LRRC7: variants seen among roughly 807,000 people sequenced by gnomAD.
LRRC7 encodes leucine-rich repeat-containing protein 7.
LRRC7 carries 23 observed loss-of-function variants against 175.7 expected under a neutral mutation model. The ratio of observed to expected loss-of-function variants is 0.13; its 90% CI spans 0.09 to 0.19. The LOEUF (loss-of-function observed/expected upper bound fraction) is 0.19, where lower values mean the gene tolerates loss of function less well. LRRC7 is among the 10% of genes least tolerant of loss of function. The probability of loss-of-function intolerance (pLI) is 1.00; values close to 1 mark genes in which losing one functional copy is unlikely to be tolerated. For synonymous variants in LRRC7, 685 were observed against 680.9 expected (o/e 1.01, Z -0.09); for missense variants, 1,354 against 1,904.7 (o/e 0.71, Z 5.38).
chr1:69,832,678 CAT>C (rs1680661367), intron 5 of LRRC7, among the ~76,000 whole-genome samples: 3 of 152,218 alleles, frequency 2.0e-5, no homozygotes, highest in Admixed American at 1.3e-4. Context: ...ATCTAGTAAA[CAT>C]AGACTTGCAT....
chr1:69,997,846 A>G (rs1655146931), intron 11 of LRRC7, among the ~76,000 whole-genome samples: 1 of 152,064 alleles, frequency 6.6e-6, no homozygotes, highest in Non-Finnish European at 1.5e-5. Context: ...CATCAAGGAT[A>G]TTGGTCTAAA....
At chr1:69,707,404 G>A (rs1012903136) in intron 2 of LRRC7, among the ~76,000 whole-genome samples, 5 of 152,042 alleles carry the variant, frequency 3.3e-5, no homozygotes, top group African/African-American at 4.8e-5. Flanking sequence ...GCATCTGCCC[G>A]CAGAATAGAG....
intron 3 of LRRC7, among the ~76,000 whole-genome samples, chr1:69,773,042 C>T (rs956143316): frequency 6.6e-6 from 1 of 152,152 alleles, no homozygotes; most frequent in Non-Finnish European, 1.5e-5. Context: ...ATATAAACAT[C>T]TCTACTTAAA....
intron 8 of LRRC7, among the ~76,000 whole-genome samples, chr1:69,964,591 A>C: frequency 6.6e-6 from 1 of 152,282 alleles, no homozygotes; most frequent in South Asian, 2.1e-4. Flanking sequence ...AGCTTCTAGG[A>C]TCTTATATGT....
intron 7 of LRRC7, among the ~76,000 whole-genome samples, chr1:69,869,030 C>T (rs1310628613): frequency 6.6e-6 from 1 of 151,784 alleles, no homozygotes; most frequent in East Asian, 1.9e-4. Flanking sequence ...CTTTAAATAC[C>T]TTATCTTCAA....
chr1:70,051,620 T>A (rs1481914558), intron 22 of LRRC7, among the ~76,000 whole-genome samples: 2 of 151,942 alleles, frequency 1.3e-5, no homozygotes, highest in Non-Finnish European at 2.9e-5. Flanking sequence ...ACCAATTCAT[T>A]CCTAACTCAG....
intron 16 of LRRC7, 88 bp downstream of exon 16, chr1:70,021,217 T>C: frequency 7.7e-7 from 1 of 1,290,380 alleles, no homozygotes; most frequent in Non-Finnish European, 1.1e-6. Context: ...TGGGACAAAG[T>C]CAGATACTTC....
intron 2 of LRRC7, among the ~76,000 whole-genome samples, chr1:69,758,550 T>C (rs991683809): frequency 1.3e-5 from 2 of 151,990 alleles, no homozygotes; most frequent in African/African-American, 4.8e-5. Flanking sequence ...GCAGCATTGG[T>C]TACACGGGTA....
intron 19 of LRRC7, 67 bp from the exon 20 acceptor site, chr1:70,036,377 T>A: frequency 6.7e-7 from 1 of 1,497,640 alleles, no homozygotes; most frequent in Non-Finnish European, 9.1e-7. Context: ...TTTCCATTTT[T>A]CATACTTGCT....
At chr1:70,110,306 G>A (rs544819824) in intron 26 of LRRC7, among the ~76,000 whole-genome samples, 13 of 152,280 alleles carry the variant, frequency 8.5e-5, no homozygotes, top group African/African-American at 3.1e-4. Flanking sequence ...CTTGAGCCCA[G>A]GAGTTGGAGG....
At position 69,614,237 on chromosome 1, in the gene LRRC7, G is replaced by A. The variant is rs545844253; in HGVS notation, c.2+45596G>A. Among the ~76,000 whole-genome samples the A allele has an allele frequency of 3.3e-5, 5 of 151,738 alleles. No homozygotes were observed. In the South Asian group the frequency reaches 1.1e-3, roughly 32 times the overall value. ...GCATTTGTTAATCACCTTTGTGCTC[G>A]AAGTGACACATGTGATAACAATGGA... On this transcript the variant is annotated intron_variant, in intron 1 of 26. Transcript: ENST00000651989.
intron 1 of LRRC7, among the ~76,000 whole-genome samples, chr1:69,618,001 A>C (rs907257820): frequency 1.3e-5 from 2 of 152,164 alleles, no homozygotes; most frequent in Non-Finnish European, 1.5e-5. Flanking sequence ...AATGGAAGAC[A>C]CTGGCCCATA....
intron 2 of LRRC7, among the ~76,000 whole-genome samples, chr1:69,746,102 A>C (rs1669230113): frequency 6.6e-6 from 1 of 151,860 alleles, no homozygotes; most frequent in Admixed American, 6.6e-5. Context: ...AGGGTAATGT[A>C]ACTTCTATTT....
At chr1:70,080,119 G>T (rs1663098017) in intron 24 of LRRC7, among the ~76,000 whole-genome samples, 2 of 152,048 alleles carry the variant, frequency 1.3e-5, no homozygotes, top group Admixed American at 1.3e-4. Context: ...CTATAACTCA[G>T]AATTATAGAA....
chr1:69,832,907 C>G (rs1360103226), intron 5 of LRRC7, among the ~76,000 whole-genome samples: 2 of 152,070 alleles, frequency 1.3e-5, no homozygotes, highest in Admixed American at 1.3e-4. Context: ...GAGTTTGAGA[C>G]CAGCCTGGCC....
chr1:69,730,963 G>A (rs1667507060), intron 2 of LRRC7, among the ~76,000 whole-genome samples: 1 of 152,024 alleles, frequency 6.6e-6, no homozygotes, highest in Non-Finnish European at 1.5e-5. Context: ...TCACATGGCG[G>A]CAGCAAGCAG....
intron 2 of LRRC7, among the ~76,000 whole-genome samples, chr1:69,697,876 G>A (rs1490927058): frequency 6.6e-6 from 1 of 152,184 alleles, no homozygotes; most frequent in African/African-American, 2.4e-5. Context: ...AGTGCATCTA[G>A]CCTCATCCCA....
chr1:69,882,455 G>A (rs544748019), intron 7 of LRRC7, among the ~76,000 whole-genome samples: 2 of 152,190 alleles, frequency 1.3e-5, no homozygotes, highest in South Asian at 2.1e-4. Flanking sequence ...TGGAAACAAC[G>A]TAAATGCCTA....
In LRRC7 at chr1:69,763,201, T is replaced by G. The variant is rs72675051; in HGVS notation, c.303+2808T>G. Among the ~76,000 whole-genome samples, 85 of 152,132 alleles carry G rather than the reference T, an allele frequency of 5.6e-4. 2 individuals carry two copies. Among genetic ancestry groups the G allele is most frequent in the African/African-American group, 2.0e-3 (82 of 41,520 alleles). Reference sequence around the variant, plus strand: ...AATAGGTTTGATTGGCTCTCGTAAGTGGTAGGTCCATCTCAGGACAGTAAT... The same window carrying G: ...AATAGGTTTGATTGGCTCTCGTAAGGGGTAGGTCCATCTCAGGACAGTAAT... On this transcript the variant is annotated intron_variant, in intron 3 of 26. Coordinates refer to ENST00000651989, the MANE Select transcript of LRRC7 (RefSeq NM_001370785.2).
Sources: gnomAD v4.1 joint callset for allele counts (sites outside exome capture counted in the v4.1 genomes callset) on GRCh38, gnomAD v4.1.1 for gene constraint, MANE v1.5 for transcripts, NCBI Gene and HGNC (gene_info 2026-07-23, HGNC 2026-07-21) for gene names.